Variants in FCSK observed in about 807,000 individuals in gnomAD.
FCSK encodes L-fucose kinase.
A neutral mutation model predicts 122.5 loss-of-function variants in FCSK; 123 were observed. The observed-to-expected ratio is 1.00, with a 90% CI of 0.87 to 1.17. FCSK has a LOEUF of 1.17. FCSK is among the 50% of genes most tolerant of loss of function. The probability of loss-of-function intolerance (pLI) is 0.00; values close to 1 mark genes in which losing one functional copy is unlikely to be tolerated. For synonymous variants in FCSK, 620 were observed against 625.5 expected (o/e 0.99, Z 0.13); for missense variants, 1,366 against 1,450.4 (o/e 0.94, Z 0.95).
At chr16:70,471,730 C>G (rs1330133371) in intron 13 of FCSK, among the ~76,000 whole-genome samples, 3 of 152,024 alleles carry the variant, frequency 2.0e-5, no homozygotes. Flanking sequence ...TCACGAATAG[C>G]TGGGACTACC....
intron 8 of FCSK, 117 bp from the exon 9 acceptor site, chr16:70,468,732 C>G: frequency 7.5e-7 from 1 of 1,336,422 alleles, no homozygotes; most frequent in East Asian, 2.3e-5. Flanking sequence ...GAAGGTGACA[C>G]TCCCTGCCTG....
At chr16:70,465,006 C>T in intron 3 of FCSK, 120 bp from the exon 4 acceptor site, 1 of 1,554,498 alleles carries the variant, frequency 6.4e-7, no homozygotes, top group South Asian at 1.2e-5. Flanking sequence ...TTTGACCTTG[C>T]CTTTTGTCCC....
At chr16:70,466,731 A>G (rs2048429212) in intron 5 of FCSK, 151 bp from the exon 6 acceptor site, 2 of 639,240 alleles carry the variant, frequency 3.1e-6, no homozygotes, top group Admixed American at 2.9e-5. Context: ...TCACATGGGG[A>G]AAGTTGTAAA....
rs373500497 is a variant in FCSK at position 70,468,813 on chromosome 16, G to A, written c.664-36G>A. 63 of 1,613,208 alleles carry A rather than the reference G, an allele frequency of 3.9e-5. 1 individual carries two copies. In the African/African-American group the frequency reaches 5.3e-4, roughly 14 times the overall value. On this transcript the variant is annotated intron_variant, in intron 8 of 23. Transcript: ENST00000288078. ...GACTTGTACCAGGGCCTGGTCCAGG[G>A]CCCTCCATCTCTGATCCTTTTGGGG...
chr16:70,477,015 C>T (rs2048838858), intron 20 of FCSK, among the ~76,000 whole-genome samples: 1 of 152,144 alleles, frequency 6.6e-6, no homozygotes, highest in South Asian at 2.1e-4. Context: ...AGCAGAGGGG[C>T]ACAGTTAAGT....
chr16:70,478,974 A>G, intron 22 of FCSK: 2 of 664,354 alleles, frequency 3.0e-6, no homozygotes, highest in Admixed American at 2.2e-5. Flanking sequence ...GATGCCGACT[A>G]TGCTGGGTGT....
rs762446440 is a variant in FCSK, at chr16:70,471,103, C to T, written c.1170+31C>T. The T allele has an allele frequency of 1.1e-5, 17 of 1,590,038 alleles. No homozygotes were observed. In the Middle Eastern group the frequency reaches 5.0e-4, roughly 47 times the overall value. On this transcript the variant is annotated intron_variant, in intron 12 of 23. Coordinates refer to ENST00000288078, the MANE Select transcript of FCSK (RefSeq NM_145059.3). ...GCCTGAGCGTGTGGGCAGATTGGGG[C>T]GAGGGTGCTGGCATCCCGCATGTGT... is the stretch of plus-strand genomic sequence containing the variant.
Position 70,469,293 on chromosome 16 carries a change from A to AG in FCSK, c.928dup (p.Glu310GlyfsTer26). The AG allele has an allele frequency of 6.2e-7, 1 of 1,609,650 alleles. No homozygotes were observed. The highest frequency in any genetic ancestry group is 8.5e-7 in the Non-Finnish European group (1 of 1,178,770). ...GCAGAGCGCCCGGGCCCAGCTGTGG[A>AG]GGGAGCTTCGCGATCAGCCCCTTAC... On this transcript the variant is annotated frameshift_variant, in exon 10 of 24. Transcript: ENST00000288078. LOFTEE classifies it high-confidence loss of function.
chr16:70,473,938 G>T lies in FCSK; in HGVS notation c.1778-191G>T, dbSNP rs1213249198. Among the ~76,000 whole-genome samples, 2 of 151,972 alleles carry T rather than the reference G, an allele frequency of 1.3e-5. No homozygotes were observed. Among genetic ancestry groups the T allele is most frequent in the East Asian group, 3.9e-4 (2 of 5,182 alleles). On this transcript the variant is annotated intron_variant, in intron 15 of 23. Coordinates refer to ENST00000288078, the MANE Select transcript of FCSK (RefSeq NM_145059.3). The surrounding 1 kb of genome is among the most constrained non-coding windows in gnomAD (Gnocchi z 4.9). ...GGGGTGAAGAGACACCTATGGGCTG[G>T]GACTGGCAAGACGAGATGATCTCTG...
At chr16:70,455,212 TCTTAGTA>T (rs1314493834) in intron 1 of FCSK, among the ~76,000 whole-genome samples, 1 of 152,172 alleles carries the variant, frequency 6.6e-6, no homozygotes, top group Non-Finnish European at 1.5e-5. Context: ...TATGAAGAGT[TCTTAGTA>T]CTTTATTCTA....
intron 1 of FCSK, among the ~76,000 whole-genome samples, chr16:70,459,788 C>T (rs560212735): frequency 2.7e-5 from 4 of 149,626 alleles, no homozygotes; most frequent in African/African-American, 1.0e-4. Context: ...AGCCACCACA[C>T]CCAGCAGTTT....
chr16:70,460,100 G>A (rs1315053872), intron 1 of FCSK, among the ~76,000 whole-genome samples: 1 of 139,900 alleles, frequency 7.1e-6, no homozygotes, highest in Non-Finnish European at 1.5e-5. Flanking sequence ...ACCACGTCTA[G>A]CCTCTTTTTT....
intron 1 of FCSK, among the ~76,000 whole-genome samples, chr16:70,460,903 G>A (rs2048245732): frequency 6.6e-6 from 1 of 152,218 alleles, no homozygotes; most frequent in African/African-American, 2.4e-5. Flanking sequence ...GCTGACCTGA[G>A]GGTTAGACGT....
chr16:70,473,298 C>A lies in FCSK; in HGVS notation c.1722C>A (p.Ile574=). Residue 574 remains isoleucine (I), a synonymous_variant, in exon 15 of 24, where the codon ATC becomes ATA. Transcript: ENST00000288078. The surrounding 1 kb of genome is among the most constrained non-coding windows in gnomAD (Gnocchi z 4.9). ...ARQDLSLRPL[I]WAAVREGCPG... is the part of the protein sequence containing the mutation. ...AGGACCTCAGCCTGCGCCCGCTGAT[C>A]TGGGCTGCTGTCCGCGAGGGCTGCC... The A allele has an allele frequency of 6.6e-7, 1 of 1,525,604 alleles. No individual in the cohort carries two copies. The highest frequency in any genetic ancestry group is 8.8e-7 in the Non-Finnish European group (1 of 1,136,264). 94.5% of individuals were successfully genotyped at this position (1,525,604 alleles called of 1,614,324 possible).
Position 70,466,898 on chromosome 16 carries a change from C to T in FCSK, c.428C>T (p.Pro143Leu), listed in dbSNP as rs572099494. 124 of 1,613,718 alleles carry T rather than the reference C, an allele frequency of 7.7e-5. 1 individual carries two copies. The highest frequency in any genetic ancestry group is 1.3e-4 in the East Asian group (6 of 44,882). ...CCCCCACAGCTGGGCCCGGGCTCCC[C>T]GCCAGGCGTGTGGGTCTGCAGCACC... ...IMTYRLGPGS[P>L]PGVWVCSTDM... The change falls in exon 6 of 24, where the codon CCG becomes CTG. Residue 143 changes from proline to leucine, a missense_variant. Coordinates refer to ENST00000288078, the MANE Select transcript of FCSK (RefSeq NM_145059.3).
intron 7 of FCSK, 141 bp from the exon 8 acceptor site, chr16:70,467,745 C>A (rs2048468508): frequency 1.4e-6 from 1 of 709,654 alleles, no homozygotes; most frequent in South Asian, 1.7e-5. Context: ...AATCTCAGGC[C>A]CCCCCTGAGA....
chr16:70,469,287 C>A lies in FCSK; in HGVS notation c.919C>A (p.Leu307Met). 1 of 1,610,996 alleles carries A rather than the reference C, an allele frequency of 6.2e-7. No individual in the cohort carries two copies. Among genetic ancestry groups the A allele is most frequent in the Non-Finnish European group, 8.5e-7 (1 of 1,179,200 alleles). The part of the protein sequence containing the change: ...AGYLQSARAQ[L>M]WRELRDQPLT... ...TTATCTGCAGAGCGCCCGGGCCCAGCTGTGGAGGGAGCTTCGCGATCAGCC... is the reference window on the plus strand; with the variant it reads ...TTATCTGCAGAGCGCCCGGGCCCAGATGTGGAGGGAGCTTCGCGATCAGCC... The change falls in exon 10 of 24, where the codon CTG (leucine) becomes ATG (methionine). Residue 307 changes from leucine to methionine, a missense_variant. Transcript: ENST00000288078.
chr16:70,471,119 C>A, intron 12 of FCSK, 47 bp downstream of exon 12: 2 of 1,590,174 alleles, frequency 1.3e-6, no homozygotes, highest in East Asian at 2.3e-5. Context: ...TGCTGGCATC[C>A]CGCATGTGTT....
Position 70,478,664 on chromosome 16 carries a change from T to C in FCSK, c.2929+14T>C. On this transcript the variant is annotated intron_variant, in intron 22 of 23. Coordinates refer to ENST00000288078, the MANE Select transcript of FCSK (RefSeq NM_145059.3). ...GCTTCCGCCAAGGTGAGGGGCTTCC[T>C]CTGGGGGGGTCAGGGCACTGGGAGC... 6.2e-7 allele frequency: 1 copy of C among 1,608,308 alleles called. No individual in the cohort carries two copies. Among genetic ancestry groups the C allele is most frequent in the South Asian group, 1.1e-5 (1 of 90,886 alleles).
Sources: gnomAD v4.1 joint callset for allele counts (sites outside exome capture counted in the v4.1 genomes callset) on GRCh38, gnomAD v4.1.1 for gene constraint, Gnocchi (gnomAD v3.1) non-coding constraint, MANE v1.5 for transcripts, NCBI Gene and HGNC (gene_info 2026-07-23, HGNC 2026-07-21) for gene names.